The following PTPRH variants were observed in gnomAD, a reference collection of about 807,000 sequenced individuals.
The protein encoded by PTPRH is receptor-type tyrosine-protein phosphatase H.
In PTPRH, 113 loss-of-function variants were observed where a neutral mutation model predicts 130.2. The observed-to-expected ratio is 0.87, with a 90% CI of 0.75 to 1.01. PTPRH has a LOEUF of 1.01. Ranked by LOEUF, PTPRH falls within the 50% of genes least tolerant of loss-of-function variation. PTPRH has a pLI of 0.00. For synonymous variants in PTPRH, 556 were observed against 577.9 expected (o/e 0.96, Z 0.54); for missense variants, 1,430 against 1,425.0 (o/e 1.00, Z -0.06).
chr19:55,198,974 G>T, intron 7 of PTPRH, 62 bp from the exon 8 acceptor site: 1 of 1,427,458 alleles, frequency 7.0e-7, no homozygotes, highest in Non-Finnish European at 9.2e-7. Flanking sequence ...CCAGAACACA[G>T]TGATACGCCC....
At chr19:55,203,299 C>A (rs558544889) in intron 5 of PTPRH, among the ~76,000 whole-genome samples, 1 of 140,292 alleles carries the variant, frequency 7.1e-6, no homozygotes, top group African/African-American at 2.7e-5. Context: ...TGCACTCCAG[C>A]CTGGGCGACA....
rs145382307 is a variant in PTPRH, at chr19:55,202,113, C to A, written c.1096G>T (p.Val366Leu). The A allele has an allele frequency of 4.3e-6, 7 of 1,614,200 alleles. No homozygotes were observed. In the South Asian group the frequency reaches 4.4e-5, roughly 10 times the overall value. ...LEPGCLYVFS[V>L]WVGKNGINSS... The stretch of plus-strand genomic sequence containing the variant: ...TTGATTCCATTCTTCCCCACCCACA[C>A]GGAAAACACATACAAACACCCGGGT... Residue 366 changes from valine to leucine, a missense_variant, in exon 6 of 20, where the codon GTG becomes TTG. Physicochemically the swap from Val to Leu is conservative, Grantham distance 32 (BLOSUM62 1). Coordinates refer to ENST00000376350, the MANE Select transcript of PTPRH (RefSeq NM_002842.5).
At chr19:55,186,106 T>C (rs2086316205) in intron 16 of PTPRH, 119 bp downstream of exon 16, 15 of 1,577,352 alleles carry the variant, frequency 9.5e-6, no homozygotes, top group African/African-American at 1.3e-5. Context: ...AGGTCTACAC[T>C]GAAGACGCCT....
At chr19:55,203,211 C>T (rs1370399286) in intron 5 of PTPRH, among the ~76,000 whole-genome samples, 1 of 150,918 alleles carries the variant, frequency 6.6e-6, no homozygotes, top group Non-Finnish European at 1.5e-5. Context: ...CCTGTAGTCC[C>T]AGCTACTCGG....
chr19:55,198,919 G>T lies in PTPRH; in HGVS notation c.1421-7C>A, dbSNP rs1375471033. ...CTTGTCACTGCGTTGGGGACTGGGA[G>T]AGGGAGCAGAGTCAGGATTTCCACA... On this transcript the variant is annotated splice_region_variant and splice_polypyrimidine_tract_variant and intron_variant, in intron 7 of 19. Transcript: ENST00000376350. 4 of 1,502,992 alleles carry T rather than the reference G, an allele frequency of 2.7e-6. No homozygotes were observed. The highest frequency in any genetic ancestry group is 1.8e-6 in the Non-Finnish European group (2 of 1,123,174). The allele number at this position is 1,502,992 out of a possible 1,614,324, so 93.1% of individuals were successfully genotyped here.
At position 55,191,729 on chromosome 19, in the gene PTPRH, C is replaced by T; in HGVS notation, c.2270G>A (p.Gly757Glu). 2 of 1,613,918 alleles carry T rather than the reference C, an allele frequency of 1.2e-6. No homozygotes were observed. The highest frequency in any genetic ancestry group is 1.7e-6 in the Non-Finnish European group (2 of 1,179,908). The change falls in exon 11 of 20, where the codon GGA (glycine) becomes GAA (glutamate). Residue 757 changes from glycine to glutamate, a missense_variant. Gly to Glu is a moderately conservative substitution (Grantham distance 98). Coordinates refer to ENST00000376350, the MANE Select transcript of PTPRH (RefSeq NM_002842.5). Reference sequence around the variant, plus strand: ...AAACAGGAGGATGCCCACAAAGGCTCCGGCAATGACCCCTGTGGGGAGGAG... The same window carrying T: ...AAACAGGAGGATGCCCACAAAGGCTTCGGCAATGACCCCTGTGGGGAGGAG... ...CHTESAGVIA[G>E]AFVGILLFLI...
At chr19:55,194,015 A>T (rs1301092034) in intron 10 of PTPRH, 2 of 464,004 alleles carry the variant, frequency 4.3e-6, no homozygotes, top group Non-Finnish European at 7.1e-6. Context: ...CGCCCAGCTA[A>T]TTTTTTGTAT....
chr19:55,184,050 C>T (rs778803641), intron 18 of PTPRH, among the ~76,000 whole-genome samples: 24 of 151,660 alleles, frequency 1.6e-4, no homozygotes, highest in Admixed American at 8.5e-4. Flanking sequence ...TTTGGGAGGC[C>T]GAGGTGGTCG....
At chr19:55,185,296 C>G (rs1296439789) in intron 18 of PTPRH, among the ~76,000 whole-genome samples, 1 of 152,092 alleles carries the variant, frequency 6.6e-6, no homozygotes, top group Non-Finnish European at 1.5e-5. Context: ...TCCTGGCCTG[C>G]CTTTTCATCT....
rs149351775 is a variant in PTPRH at position 55,184,942 on chromosome 19, A to C, written c.3062+560T>G. The stretch of plus-strand genomic sequence containing the variant: ...GGCCACATCCCCATCCTGTGGCTTC[A>C]TCCTTTCTCCCTTCTCTTCTGCATT... On this transcript the variant is annotated intron_variant, in intron 18 of 19. Coordinates refer to ENST00000376350, the MANE Select transcript of PTPRH (RefSeq NM_002842.5). Among the ~76,000 whole-genome samples the C allele has an allele frequency of 1.9e-4, 29 of 152,090 alleles. 1 individual carries two copies. Among genetic ancestry groups the C allele is most frequent in the African/African-American group, 6.5e-4 (27 of 41,494 alleles).
At position 55,187,072 on chromosome 19, in the gene PTPRH, G is replaced by A. The variant is rs112396163; in HGVS notation, c.2566+441C>T. Among the ~76,000 whole-genome samples the A allele has an allele frequency of 6.4e-3, 951 of 149,574 alleles. 19 individuals carry two copies. Among genetic ancestry groups the A allele is most frequent in the African/African-American group, 0.022 (874 of 40,628 alleles). On this transcript the variant is annotated intron_variant, in intron 14 of 19. Coordinates refer to ENST00000376350, the MANE Select transcript of PTPRH (RefSeq NM_002842.5). The stretch of plus-strand genomic sequence containing the variant: ...AAAAAAAAAAGGTGGGGGGCCGGGC[G>A]CAGTGGCTCACGCCCGTAATCCCAG...
chr19:55,186,358 C>A lies in PTPRH; in HGVS notation c.2645G>T (p.Gly882Val). ...SDYINASFMP[G>V]LWSPQEFIAT... ...AATGAACTCCTGGGGGCTCCAGAGA[C>A]CCTGGTTGAGGAAGGCAGGCGGGTC... Residue 882 changes from glycine (G) to valine (V), a missense_variant and splice_region_variant, in exon 16 of 20, where the codon GGT becomes GTT. By Grantham distance (109) the Gly-to-Val change is moderately radical. Coordinates refer to ENST00000376350, the MANE Select transcript of PTPRH (RefSeq NM_002842.5). 2.5e-6 allele frequency: 4 copies of A among 1,613,270 alleles called. No individual in the cohort carries two copies. The highest frequency in any genetic ancestry group is 3.4e-6 in the Non-Finnish European group (4 of 1,179,596).
intron 12 of PTPRH, 47 bp from the exon 13 acceptor site, chr19:55,188,215 AT>A: frequency 6.7e-7 from 1 of 1,487,346 alleles, no homozygotes; most frequent in Non-Finnish European, 9.4e-7. Context: ...ACTTCTTTTA[AT>A]CTTGCACTTT....
At chr19:55,199,763 GAGAA>G (rs1183927656) in intron 7 of PTPRH, among the ~76,000 whole-genome samples, 8 of 146,914 alleles carry the variant, frequency 5.4e-5, no homozygotes, top group South Asian at 4.3e-4. Flanking sequence ...GAAAGAGAAA[GAGAA>G]AGAAAGAAAG....
At chr19:55,205,028 CA>C (rs1250131550) in intron 4 of PTPRH, among the ~76,000 whole-genome samples, 4 of 152,260 alleles carry the variant, frequency 2.6e-5, no homozygotes, top group African/African-American at 9.6e-5. Flanking sequence ...TGTCCCCACT[CA>C]CAGTATCTAA....
intron 9 of PTPRH, 55 bp from the exon 10 acceptor site, chr19:55,196,843 C>A (rs138005044): frequency 0.014 from 21,495 of 1,572,374 alleles, 219 homozygotes; most frequent in South Asian, 0.019. Context: ...TTTCCACCCC[C>A]TCCACCCCTA....
intron 12 of PTPRH, among the ~76,000 whole-genome samples, chr19:55,190,557 T>A (rs904547400): frequency 1.2e-4 from 15 of 130,302 alleles, no homozygotes; most frequent in South Asian, 2.2e-4. Context: ...TATAATATAT[T>A]ATATATATAA....
chr19:55,204,693 G>A (rs1247017108), intron 4 of PTPRH, among the ~76,000 whole-genome samples: 1 of 151,564 alleles, frequency 6.6e-6, no homozygotes, highest in Non-Finnish European at 1.5e-5. Context: ...GAGTAACAAA[G>A]ACCTGAGCCA....
chr19:55,209,460 G>T lies in PTPRH; in HGVS notation c.-27C>A. The T allele has an allele frequency of 6.6e-7, 1 of 1,506,070 alleles. No homozygotes were observed. Among genetic ancestry groups the T allele is most frequent in the South Asian group, 1.2e-5 (1 of 83,268 alleles). The allele number at this position is 1,506,070 out of a possible 1,614,324, so 93.3% of individuals were successfully genotyped here. A position where few individuals can be genotyped will look rare whatever the true frequency, so the allele number is the denominator to read the frequency against. ...CCTCCAGACACTGCCGGGGACCCAG[G>T]AGTCCCAGGCCTAGTCCTTCCACCT... On this transcript the variant is annotated 5_prime_UTR_variant, in exon 1 of 20. Coordinates refer to ENST00000376350, the MANE Select transcript of PTPRH (RefSeq NM_002842.5). This position sits in a 1 kb window ranked among gnomAD's most constrained non-coding sequence, Gnocchi z 4.1.
Sources: allele counts gnomAD v4.1 joint callset (sites outside exome capture counted in the v4.1 genomes callset), GRCh38; gene constraint gnomAD v4.1.1; non-coding constraint Gnocchi (gnomAD v3.1); transcripts MANE v1.5; gene names NCBI Gene and HGNC (gene_info 2026-07-23, HGNC 2026-07-21).